Variants in GASK1A observed in about 807,000 individuals in gnomAD.
GASK1A encodes the protein golgi associated kinase 1A.
Under a neutral mutation model 41.2 loss-of-function variants are expected in GASK1A, and 40 were observed. The observed-to-expected ratio is 0.97, with a 90% CI of 0.75 to 1.27. The LOEUF (loss-of-function observed/expected upper bound fraction) is 1.27, where lower values mean the gene tolerates loss of function less well. GASK1A is among the 50% of genes most tolerant of loss of function. The pLI, the probability that GASK1A is intolerant of heterozygous loss-of-function variation, is 0.00. For missense variants in GASK1A, 678 were observed against 745.1 expected (o/e 0.91, Z 1.05); for synonymous variants, 316 against 307.1 (o/e 1.03, Z -0.30).
intron 3 of GASK1A, among the ~76,000 whole-genome samples, chr3:43,055,170 G>T (rs1320801842): frequency 6.6e-6 from 1 of 152,190 alleles, no homozygotes; most frequent in African/African-American, 2.4e-5. Context: ...CTTAAAGAAG[G>T]TGCCACCATT....
At chr3:43,029,904 A>G (rs767971165) in intron 1 of GASK1A, among the ~76,000 whole-genome samples, 1 of 152,226 alleles carries the variant, frequency 6.6e-6, no homozygotes, top group Non-Finnish European at 1.5e-5. Context: ...ACACAGACAA[A>G]TTAGGAAATT....
At chr3:42,981,056 C>T (rs1392405563) in intron 1 of GASK1A, among the ~76,000 whole-genome samples, 4 of 152,182 alleles carry the variant, frequency 2.6e-5, no homozygotes, top group Non-Finnish European at 4.4e-5. Context: ...GCCTTCTGCT[C>T]AGGCTGCCTA....
Position 43,032,886 on chromosome 3 carries a change from A to AC in GASK1A, c.624dup (p.Arg209GlnfsTer26), listed in dbSNP as rs762069248. 1.5e-5 allele frequency: 24 copies of AC among 1,550,786 alleles called. No individual in the cohort carries two copies. Among genetic ancestry groups the AC allele is most frequent in the Non-Finnish European group, 2.0e-5 (23 of 1,147,006 alleles). On this transcript the variant is annotated frameshift_variant, in exon 2 of 5. Transcript: ENST00000430121. LOFTEE classifies it high-confidence loss of function. Reference sequence around the variant, plus strand: ...GGCAGGGATCTGCTGGGAGCTGAGAACAGAGCCTTGACTGGTGGGCAACAA... The same window carrying AC: ...GGCAGGGATCTGCTGGGAGCTGAGAACCAGAGCCTTGACTGGTGGGCAACAA...
At chr3:42,999,916 C>T (rs575773034) in intron 1 of GASK1A, among the ~76,000 whole-genome samples, 20 of 152,280 alleles carry the variant, frequency 1.3e-4, no homozygotes, top group East Asian at 7.7e-4. Flanking sequence ...TTCTAGTCTC[C>T]GCTTTCATCA....
intron 1 of GASK1A, among the ~76,000 whole-genome samples, chr3:43,018,740 C>T (rs914274113): frequency 6.6e-6 from 1 of 152,172 alleles, no homozygotes; most frequent in Non-Finnish European, 1.5e-5. Context: ...AAAAAGGTTG[C>T]AACCTGCCTT....
chr3:43,038,095 G>T (rs1559406003), intron 2 of GASK1A, among the ~76,000 whole-genome samples: 1 of 152,196 alleles, frequency 6.6e-6, no homozygotes, highest in Non-Finnish European at 1.5e-5. Flanking sequence ...TGGAGATAAA[G>T]TTGAAATCAT....
chr3:43,015,274 T>G (rs1206573277), intron 1 of GASK1A, among the ~76,000 whole-genome samples: 34 of 138,894 alleles, frequency 2.4e-4, no homozygotes, highest in Admixed American at 2.4e-3. Context: ...GAAGGGGCTG[T>G]GGGAAGCCAC....
chr3:43,045,663 G>C (rs1379541666), intron 2 of GASK1A, among the ~76,000 whole-genome samples: 1 of 152,166 alleles, frequency 6.6e-6, no homozygotes, highest in Non-Finnish European at 1.5e-5. Flanking sequence ...GCATGGAGTA[G>C]GCTCATATAT....
chr3:43,034,502 C>T (rs1007965069), intron 2 of GASK1A, among the ~76,000 whole-genome samples: 2 of 152,152 alleles, frequency 1.3e-5, no homozygotes, highest in Admixed American at 6.5e-5. Flanking sequence ...CATGGCCAGA[C>T]AGAAACAAAG....
chr3:43,016,226 G>A (rs2089490529), intron 1 of GASK1A, among the ~76,000 whole-genome samples: 1 of 152,036 alleles, frequency 6.6e-6, no homozygotes, highest in African/African-American at 2.4e-5. Flanking sequence ...GGTAGAGGCT[G>A]TGTGAAGCCA....
rs148953742 is a variant in GASK1A at position 43,042,290 on chromosome 3, G to A, written c.1290+8737G>A. Among the ~76,000 whole-genome samples, 601 of 134,942 alleles carry A rather than the reference G, an allele frequency of 4.5e-3. 2 individuals are homozygous for A. The highest frequency in any genetic ancestry group is 6.7e-3 in the Non-Finnish European group (424 of 63,552). 88.5% of individuals were successfully genotyped at this position (134,942 alleles called of 152,430 possible). ...TCAAGACCAGCCTGGGCAATATAGG[G>A]AAACCTTGTCCCTACAAAAAAAAAA... On this transcript the variant is annotated intron_variant, in intron 2 of 4. Coordinates refer to ENST00000430121, the MANE Select transcript of GASK1A (RefSeq NM_001129908.3).
chr3:43,023,375 C>T (rs1218501240), intron 1 of GASK1A, among the ~76,000 whole-genome samples: 2 of 152,158 alleles, frequency 1.3e-5, no homozygotes, highest in African/African-American at 4.8e-5. Flanking sequence ...AACTTCTGGC[C>T]TCCAGAACTG....
chr3:43,042,948 G>C (rs58924284), intron 2 of GASK1A, among the ~76,000 whole-genome samples: 1,718 of 152,296 alleles, frequency 0.011, 38 homozygotes, highest in African/African-American at 0.038. Context: ...CCTTAGAGGA[G>C]AGTGAGAGTC....
intron 2 of GASK1A, among the ~76,000 whole-genome samples, chr3:43,052,959 G>A (rs2125692809): frequency 6.6e-6 from 1 of 152,342 alleles, no homozygotes; most frequent in East Asian, 1.9e-4. Flanking sequence ...GGTGTCATCT[G>A]TATGTGTCTA....
chr3:42,997,088 C>T (rs916778019), intron 1 of GASK1A, among the ~76,000 whole-genome samples: 1 of 152,206 alleles, frequency 6.6e-6, no homozygotes, highest in African/African-American at 2.4e-5. Context: ...ATGTCCAGGC[C>T]GAGGGGCCCT....
chr3:42,997,458 C>G (rs34100558), intron 1 of GASK1A, among the ~76,000 whole-genome samples: 26,385 of 150,688 alleles, frequency 0.18, 2,724 homozygotes, highest in Middle Eastern at 0.23. Context: ...ATCTGGGATC[C>G]TTAGAAATGG....
intron 2 of GASK1A, among the ~76,000 whole-genome samples, chr3:43,034,350 G>A (rs547863709): frequency 6.6e-6 from 1 of 152,286 alleles, no homozygotes; most frequent in South Asian, 2.1e-4. Flanking sequence ...GAATCCCAGG[G>A]AAGGGGTTGT....
intron 3 of GASK1A, among the ~76,000 whole-genome samples, chr3:43,055,183 T>C (rs1287669371): frequency 3.3e-5 from 5 of 152,226 alleles, no homozygotes; most frequent in African/African-American, 1.2e-4. Flanking sequence ...CCACCATTTC[T>C]GTAAAATAGG....
intron 1 of GASK1A, among the ~76,000 whole-genome samples, chr3:43,026,685 G>A (rs2089548429): frequency 6.6e-6 from 1 of 152,080 alleles, no homozygotes; most frequent in Non-Finnish European, 1.5e-5. Context: ...AAGTCAAATA[G>A]AGTATAAAAA....
Sources: gnomAD v4.1 joint callset for allele counts (sites outside exome capture counted in the v4.1 genomes callset) on GRCh38, gnomAD v4.1.1 for gene constraint, MANE v1.5 for transcripts, NCBI Gene and HGNC (gene_info 2026-07-23, HGNC 2026-07-21) for gene names.